The following CWC27 variants were observed in gnomAD, a reference collection of about 807,000 sequenced individuals.
CWC27 encodes the protein CWC27 spliceosome associated cyclophilin.
In CWC27, 47 loss-of-function variants were observed where a neutral mutation model predicts 63.6. The ratio of observed to expected loss-of-function variants is 0.74; its 90% CI spans 0.58 to 0.94. The LOEUF is 0.94. Ranked by LOEUF, CWC27 falls within the 40% of genes least tolerant of loss-of-function variation. CWC27 has a pLI of 0.00. For missense variants in CWC27, 495 were observed against 554.3 expected (o/e 0.89, Z 1.07); for synonymous variants, 175 against 179.8 (o/e 0.97, Z 0.22).
intron 13 of CWC27, among the ~76,000 whole-genome samples, chr5:65,004,552 TATG>T (rs1454598384): frequency 6.9e-6 from 1 of 145,006 alleles, no homozygotes; most frequent in Admixed American, 6.7e-5. Flanking sequence ...GATACTTTTA[TATG>T]ATATCTATCT....
intron 9 of CWC27, among the ~76,000 whole-genome samples, chr5:64,802,786 G>T (rs962484266): frequency 2.0e-5 from 3 of 152,178 alleles, no homozygotes; most frequent in African/African-American, 7.2e-5. Context: ...TACATTTCAA[G>T]ATTGAGGTAA....
rs114562528 is a variant in CWC27 at position 64,954,571 on chromosome 5, C to G, written c.1043-17132C>G. Among the ~76,000 whole-genome samples the G allele has an allele frequency of 4.2e-3, 622 of 149,786 alleles. 2 individuals are homozygous for G. Among genetic ancestry groups the G allele is most frequent in the African/African-American group, 0.015 (581 of 39,660 alleles). On this transcript the variant is annotated intron_variant, in intron 11 of 13. Coordinates refer to ENST00000381070, the MANE Select transcript of CWC27 (RefSeq NM_005869.4). Reference sequence around the variant, plus strand: ...AAATTCTGGGATTACAGGAATGAGCCACCGTGCACAGCCCCCTATTATATT... The same window carrying G: ...AAATTCTGGGATTACAGGAATGAGCGACCGTGCACAGCCCCCTATTATATT...
rs535646901 is a variant in CWC27 at position 64,930,002 on chromosome 5, T to A, written c.1043-41701T>A. 3.9e-5 allele frequency among the ~76,000 whole-genome samples: 6 copies of A among 152,106 alleles called. No individual in the cohort carries two copies. In the East Asian group the frequency reaches 1.2e-3, roughly 29 times the overall value. On this transcript the variant is annotated intron_variant, in intron 11 of 13. Coordinates refer to ENST00000381070, the MANE Select transcript of CWC27 (RefSeq NM_005869.4). ...AACAGCCTAAACAAACTGTGATGTATTCGTACAGTGAAATATTATTCAGCC... is the reference window on the plus strand; with the variant it reads ...AACAGCCTAAACAAACTGTGATGTAATCGTACAGTGAAATATTATTCAGCC...
At chr5:64,858,874 T>TAAA (rs1746327821) in intron 10 of CWC27, among the ~76,000 whole-genome samples, 1 of 152,236 alleles carries the variant, frequency 6.6e-6, no homozygotes, top group South Asian at 2.1e-4. Context: ...TGACCCATCA[T>TAAA]GCCCAGATAT....
chr5:64,897,545 T>C (rs918992713), intron 11 of CWC27, among the ~76,000 whole-genome samples: 15 of 152,102 alleles, frequency 9.9e-5, no homozygotes, highest in African/African-American at 2.9e-4. Flanking sequence ...TGAGAACACA[T>C]GGACACAGGG....
chr5:64,791,454 CT>C (rs34353110), intron 7 of CWC27, among the ~76,000 whole-genome samples: 77,916 of 149,700 alleles, frequency 0.52, 20,697 homozygotes, highest in East Asian at 0.84. Flanking sequence ...ATAGTGCTGT[CT>C]TTTTTTTTTT....
chr5:64,849,474 A>T (rs565864658), intron 10 of CWC27, among the ~76,000 whole-genome samples: 24 of 151,758 alleles, frequency 1.6e-4, no homozygotes, highest in African/African-American at 5.8e-4. Flanking sequence ...ACCTGGTGGG[A>T]GGTGATTAGA....
chr5:64,792,172 GA>G (rs1389840799), intron 7 of CWC27, among the ~76,000 whole-genome samples: 1 of 151,942 alleles, frequency 6.6e-6, no homozygotes, highest in African/African-American at 2.4e-5. Context: ...CTGCTCTTTC[GA>G]CTAGTACTTG....
At chr5:64,884,053 G>A (rs1283768871) in intron 10 of CWC27, 1 of 152,024 alleles carries the variant, frequency 6.6e-6, no homozygotes, top group Non-Finnish European at 1.5e-5. Context: ...CCAACATGTT[G>A]CTAGCAAGTT....
intron 10 of CWC27, among the ~76,000 whole-genome samples, chr5:64,856,303 G>A (rs1245064810): frequency 6.6e-6 from 1 of 151,872 alleles, no homozygotes; most frequent in Non-Finnish European, 1.5e-5. Flanking sequence ...TTTCAAATGT[G>A]AATAGTTTCC....
At chr5:64,997,637 T>TA (rs1749658727) in intron 13 of CWC27, among the ~76,000 whole-genome samples, 1 of 152,080 alleles carries the variant, frequency 6.6e-6, no homozygotes, top group South Asian at 2.1e-4. Context: ...CATTCTGAGA[T>TA]AAAAAAATTT....
chr5:64,952,118 C>T (rs1176294110), intron 11 of CWC27, among the ~76,000 whole-genome samples: 1 of 151,870 alleles, frequency 6.6e-6, no homozygotes, highest in African/African-American at 2.4e-5. Flanking sequence ...CAAGTGCATC[C>T]TTCCATATAC....
chr5:64,935,735 G>A (rs1234476315), intron 11 of CWC27, among the ~76,000 whole-genome samples: 1 of 152,178 alleles, frequency 6.6e-6, no homozygotes, highest in Admixed American at 6.5e-5. Context: ...CTATCCATGA[G>A]CATGGAATGT....
chr5:64,920,962 A>C (rs1312361970), intron 11 of CWC27, among the ~76,000 whole-genome samples: 1 of 151,648 alleles, frequency 6.6e-6, no homozygotes, highest in African/African-American at 2.4e-5. Context: ...TATTCAATTC[A>C]GCTCTGATTT....
chr5:64,929,637 C>T (rs1290413078), intron 11 of CWC27, among the ~76,000 whole-genome samples: 2 of 151,868 alleles, frequency 1.3e-5, no homozygotes, highest in Admixed American at 6.6e-5. Context: ...CAGGGAAATG[C>T]GAATCAAAAC....
intron 11 of CWC27, among the ~76,000 whole-genome samples, chr5:64,949,322 A>G (rs569758333): frequency 2.0e-5 from 3 of 152,024 alleles, no homozygotes; most frequent in Non-Finnish European, 4.4e-5. Flanking sequence ...AATATCCTCA[A>G]AACAAATCTG....
chr5:64,893,792 T>A (rs1435788761), intron 11 of CWC27, among the ~76,000 whole-genome samples: 1 of 152,254 alleles, frequency 6.6e-6, no homozygotes, highest in African/African-American at 2.4e-5. Context: ...TGCTGCAGTA[T>A]GTTAAAATGT....
chr5:64,922,099 G>A (rs950535420), intron 11 of CWC27, among the ~76,000 whole-genome samples: 1 of 152,142 alleles, frequency 6.6e-6, no homozygotes, highest in African/African-American at 2.4e-5. Flanking sequence ...TTCACATTGA[G>A]TTAGAGAATC....
intron 13 of CWC27, among the ~76,000 whole-genome samples, chr5:65,010,494 T>A (rs898590900): frequency 2.0e-5 from 3 of 152,216 alleles, no homozygotes; most frequent in Non-Finnish European, 4.4e-5. Context: ...ATCTTAGTAA[T>A]AACTAGGAGC....
Sources: allele counts gnomAD v4.1 joint callset (sites outside exome capture counted in the v4.1 genomes callset), GRCh38; gene constraint gnomAD v4.1.1; transcripts MANE v1.5; gene names NCBI Gene and HGNC (gene_info 2026-07-23, HGNC 2026-07-21).